Variants in SLC24A3 observed in about 807,000 individuals in gnomAD.
SLC24A3 encodes sodium/potassium/calcium exchanger 3.
In SLC24A3, 28 loss-of-function variants were observed where a neutral mutation model predicts 75.8. The ratio of observed to expected loss-of-function variants is 0.37; its 90% CI spans 0.27 to 0.51. The LOEUF is 0.51. Among genes scored for constraint, SLC24A3 ranks in the 20% least tolerant of loss-of-function variants. SLC24A3 has a pLI of 0.94. For synonymous variants in SLC24A3, 372 were observed against 334.1 expected, an observed-to-expected ratio of 1.11 and a Z score of -1.24; for missense variants, 663 against 847.8, an observed-to-expected ratio of 0.78 and a Z score of 2.71.
intron 3 of SLC24A3, among the ~76,000 whole-genome samples, chr20:19,564,998 G>A (rs970366960): frequency 2.6e-5 from 4 of 152,154 alleles, no homozygotes; most frequent in African/African-American, 4.8e-5. Context: ...TAGAGATGGG[G>A]TTTCACCATG....
chr20:19,240,160 A>T (rs1982287711), intron 1 of SLC24A3, among the ~76,000 whole-genome samples: 1 of 152,212 alleles, frequency 6.6e-6, no homozygotes, highest in African/African-American at 2.4e-5. Flanking sequence ...ACTGAAAATC[A>T]TCATAGACCC....
intron 3 of SLC24A3, among the ~76,000 whole-genome samples, chr20:19,549,414 G>T (rs960587671): frequency 1.3e-5 from 2 of 152,216 alleles, no homozygotes; most frequent in Admixed American, 6.5e-5. Flanking sequence ...CCTAAAGACA[G>T]ATCATTTTTT....
At chr20:19,238,966 GCACACA>G (rs60649887) in intron 1 of SLC24A3, among the ~76,000 whole-genome samples, 5 of 148,866 alleles carry the variant, frequency 3.4e-5, no homozygotes, top group South Asian at 2.1e-4. Context: ...ATGGGCGCAT[GCACACA>G]CACACACACA....
chr20:19,499,802 A>G (rs532614790), intron 2 of SLC24A3, among the ~76,000 whole-genome samples: 6 of 152,296 alleles, frequency 3.9e-5, no homozygotes, highest in South Asian at 2.1e-4. Flanking sequence ...ATATTTACAT[A>G]CATGTACACA....
At chr20:19,427,377 G>T (rs559508528) in intron 2 of SLC24A3, among the ~76,000 whole-genome samples, 2 of 152,278 alleles carry the variant, frequency 1.3e-5, no homozygotes, top group South Asian at 4.1e-4. Context: ...TGAACTCATT[G>T]CTTTAAATTT....
intron 2 of SLC24A3, among the ~76,000 whole-genome samples, chr20:19,445,153 A>G (rs1316874142): frequency 6.6e-6 from 1 of 152,208 alleles, no homozygotes; most frequent in African/African-American, 2.4e-5. Flanking sequence ...AGCGTTACAC[A>G]TAATATGGAT....
intron 2 of SLC24A3, among the ~76,000 whole-genome samples, chr20:19,325,593 C>T (rs1984820090): frequency 6.6e-6 from 1 of 151,594 alleles, no homozygotes; most frequent in South Asian, 2.1e-4. Flanking sequence ...GGAGAGGAGG[C>T]AGCTACCAGG....
chr20:19,487,194 T>C (rs1988142318), intron 2 of SLC24A3, among the ~76,000 whole-genome samples: 1 of 152,230 alleles, frequency 6.6e-6, no homozygotes, highest in South Asian at 2.1e-4. Context: ...ACACAGGAGA[T>C]GCCAAATTGA....
intron 2 of SLC24A3, among the ~76,000 whole-genome samples, chr20:19,339,942 T>A (rs1368763054): frequency 6.6e-6 from 1 of 152,184 alleles, no homozygotes; most frequent in African/African-American, 2.4e-5. Context: ...AGATGTTTGA[T>A]GAAAGTAACA....
intron 2 of SLC24A3, among the ~76,000 whole-genome samples, chr20:19,332,551 G>A (rs1226300655): frequency 4.6e-5 from 7 of 152,132 alleles, no homozygotes; most frequent in African/African-American, 1.4e-4. Context: ...TGCCAAGAAT[G>A]ACAAAAATGC....
intron 2 of SLC24A3, among the ~76,000 whole-genome samples, chr20:19,370,510 A>T (rs908701240): frequency 8.5e-5 from 13 of 152,230 alleles, no homozygotes; most frequent in Non-Finnish European, 1.6e-4. Context: ...GGCAAGCCTC[A>T]TGGTCCTATG....
chr20:19,401,583 G>A (rs1478189818), intron 2 of SLC24A3, among the ~76,000 whole-genome samples: 1 of 152,176 alleles, frequency 6.6e-6, no homozygotes, highest in Non-Finnish European at 1.5e-5. Context: ...TTCCCAATAG[G>A]GACTGATTAG....
At chr20:19,224,378 C>G (rs1306342275) in intron 1 of SLC24A3, among the ~76,000 whole-genome samples, 1 of 152,052 alleles carries the variant, frequency 6.6e-6, no homozygotes, top group East Asian at 1.9e-4. Context: ...TAATTTTGCA[C>G]TCTACACAAA....
intron 6 of SLC24A3, among the ~76,000 whole-genome samples, chr20:19,645,275 C>T (rs186038935): frequency 2.8e-4 from 42 of 152,284 alleles, no homozygotes; most frequent in Non-Finnish European, 5.4e-4. Flanking sequence ...GTGTCAGGGG[C>T]GCATAGCACA....
At chr20:19,474,867 C>T (rs1446920805) in intron 2 of SLC24A3, among the ~76,000 whole-genome samples, 1 of 152,170 alleles carries the variant, frequency 6.6e-6, no homozygotes, top group African/African-American at 2.4e-5. Context: ...CAACATTGCC[C>T]TATCCATTTC....
At position 19,321,089 on chromosome 20, in the gene SLC24A3, G is replaced by GTA. The variant is rs149325651; in HGVS notation, c.271+40012_271+40013dup. On this transcript the variant is annotated intron_variant, in intron 2 of 16. Transcript: ENST00000328041. ...GATATAGAGGGCTCACTGTGTGTGT[G>GTA]TATATATATATGTATTTATATATAT... Among the ~76,000 whole-genome samples, 36 of 151,786 alleles carry GTA rather than the reference G, an allele frequency of 2.4e-4. No individual in the cohort carries two copies. The South Asian group carries it at 7.1e-3, about 30-fold the overall frequency.
At chr20:19,701,351 T>TAAAAAAA (rs2032870036) in intron 15 of SLC24A3, among the ~76,000 whole-genome samples, 1 of 76,118 alleles carries the variant, frequency 1.3e-5, no homozygotes, top group South Asian at 7.1e-4. Context: ...CGAAACATAT[T>TAAAAAAA]TTTATTAAAA....
chr20:19,363,702 A>G (rs1340852313), intron 2 of SLC24A3, among the ~76,000 whole-genome samples: 1 of 152,246 alleles, frequency 6.6e-6, no homozygotes, highest in Admixed American at 6.5e-5. Context: ...AGAGCATGCT[A>G]GAGAACTACA....
Position 19,475,122 on chromosome 20 carries a change from A to G in SLC24A3, c.272-40366A>G, listed in dbSNP as rs375331156. On this transcript the variant is annotated intron_variant, in intron 2 of 16. Transcript: ENST00000328041. ...CGGAGGCCGAGGTGGGAGGATCACA[A>G]GGTCAGGAGATCGAAACCATCCTGG... Among the ~76,000 whole-genome samples, 211 of 152,252 alleles carry G rather than the reference A, an allele frequency of 1.4e-3. 7 individuals are homozygous for G. The South Asian group carries it at 0.041, about 29-fold the overall frequency.
Sources: gnomAD v4.1 joint callset for allele counts (sites outside exome capture counted in the v4.1 genomes callset) on GRCh38, gnomAD v4.1.1 for gene constraint, MANE v1.5 for transcripts, NCBI Gene and HGNC (gene_info 2026-07-23, HGNC 2026-07-21) for gene names.